Variants in C1orf105 observed in about 807,000 individuals in gnomAD.
The protein encoded by C1orf105 is uncharacterized protein C1orf105.
Under a neutral mutation model 20.8 loss-of-function variants are expected in C1orf105, and 17 were observed. The observed-to-expected ratio is 0.82, with a 90% CI of 0.56 to 1.23. The LOEUF (loss-of-function observed/expected upper bound fraction) is 1.23. C1orf105 is among the 50% of genes most tolerant of loss of function. C1orf105 has a pLI of 0.00. For synonymous variants in C1orf105, 72 were observed against 72.1 expected, an observed-to-expected ratio of 1.00 and a Z score of 0.01; for missense variants, 219 against 213.5, an observed-to-expected ratio of 1.03 and a Z score of -0.16.
At chr1:172,446,270 A>G (rs986492348) in intron 2 of C1orf105, among the ~76,000 whole-genome samples, 3 of 152,256 alleles carry the variant, frequency 2.0e-5, no homozygotes, top group Non-Finnish European at 4.4e-5. Context: ...ACTAAGTGAT[A>G]GAGTGCTTAT....
intron 2 of C1orf105, among the ~76,000 whole-genome samples, chr1:172,448,217 A>C (rs1362205068): frequency 6.6e-6 from 1 of 152,196 alleles, no homozygotes; most frequent in Admixed American, 6.5e-5. Flanking sequence ...ACAGTGTCTG[A>C]CAATCCAAAA....
At chr1:172,426,170 C>A (rs1415001974) in intron 1 of C1orf105, among the ~76,000 whole-genome samples, 1 of 152,182 alleles carries the variant, frequency 6.6e-6, no homozygotes, top group Non-Finnish European at 1.5e-5. Context: ...CTTACTCTAA[C>A]AAACCAGAGT....
intron 1 of C1orf105, among the ~76,000 whole-genome samples, chr1:172,433,690 A>G (rs2071943094): frequency 6.6e-6 from 1 of 152,248 alleles, no homozygotes; most frequent in Non-Finnish European, 1.5e-5. Context: ...AAGAAACTGC[A>G]TCAATTAACG....
intron 2 of C1orf105, among the ~76,000 whole-genome samples, chr1:172,446,970 T>C (rs1198753802): frequency 6.6e-6 from 1 of 152,128 alleles, no homozygotes; most frequent in Non-Finnish European, 1.5e-5. Flanking sequence ...AAAAATGTAA[T>C]ATACCTACCT....
intron 1 of C1orf105, among the ~76,000 whole-genome samples, chr1:172,436,061 C>T (rs1330762624): frequency 1.3e-5 from 2 of 152,148 alleles, no homozygotes; most frequent in Admixed American, 6.5e-5. Context: ...TCAAGAAGAA[C>T]TACAAATCAC....
intron 3 of C1orf105, among the ~76,000 whole-genome samples, chr1:172,453,985 C>G (rs559559188): frequency 6.6e-6 from 1 of 152,280 alleles, no homozygotes; most frequent in East Asian, 1.9e-4. Flanking sequence ...TTACAGTTGT[C>G]ATTAACCTAG....
At chr1:172,447,108 T>A (rs1573866122) in intron 2 of C1orf105, among the ~76,000 whole-genome samples, 1 of 152,196 alleles carries the variant, frequency 6.6e-6, no homozygotes, top group Admixed American at 6.5e-5. Flanking sequence ...AAGCTCCTCA[T>A]GTGGGCCAAA....
intron 4 of C1orf105, among the ~76,000 whole-genome samples, chr1:172,461,873 T>A (rs1203410728): frequency 1.3e-5 from 2 of 152,100 alleles, no homozygotes; most frequent in Non-Finnish European, 2.9e-5. Context: ...GAGTCAGCAG[T>A]CTCTGTGATA....
intron 5 of C1orf105, 49 bp downstream of exon 5, chr1:172,462,294 G>A (rs1649756524): frequency 7.5e-7 from 1 of 1,339,758 alleles, no homozygotes; most frequent in Admixed American, 2.1e-5. Flanking sequence ...TGTTATGTCT[G>A]AGGACACAGG....
Position 172,465,305 on chromosome 1 carries a change from T to C in C1orf105, c.348T>C (p.Ser116=), listed in dbSNP as rs1649964180. The change falls in exon 6 of 7, where the codon AGT becomes AGC. Residue 116 remains serine, a synonymous_variant. Coordinates refer to ENST00000367727, the MANE Select transcript of C1orf105 (RefSeq NM_139240.4). ...SFENCMSYRM[S]LHQPKFQTTP... ...TCTTGTTTCTTCCAATCAGAATGAGTCTTCATCAACCCAAATTCCAGACTA... is the reference window on the plus strand; with the variant it reads ...TCTTGTTTCTTCCAATCAGAATGAGCCTTCATCAACCCAAATTCCAGACTA... 6.2e-7 allele frequency: 1 copy of C among 1,611,704 alleles called. No individual in the cohort carries two copies.
Position 172,465,430 on chromosome 1 carries a change from C to T in C1orf105, c.406+67C>T. ...GAAAAAAATGCCATAGAATGACAGT[C>T]TAATCCCTAAAATAATTTCTAAATT... On this transcript the variant is annotated intron_variant, in intron 6 of 6. Coordinates refer to ENST00000367727, the MANE Select transcript of C1orf105 (RefSeq NM_139240.4). The T allele has an allele frequency of 7.3e-6, 8 of 1,097,772 alleles. No homozygotes were observed. In the South Asian group the frequency reaches 8.8e-5, roughly 12 times the overall value. The allele number at this position is 1,097,772 out of a possible 1,614,324, so 68.0% of individuals were successfully genotyped here.
chr1:172,424,504 C>A (rs1038505489), intron 1 of C1orf105, among the ~76,000 whole-genome samples: 25 of 152,292 alleles, frequency 1.6e-4, no homozygotes, highest in African/African-American at 6.0e-4. Context: ...GATTCTCATG[C>A]CTCAGCCTCC....
intron 4 of C1orf105, among the ~76,000 whole-genome samples, chr1:172,461,194 A>G (rs1190476552): frequency 6.6e-6 from 1 of 152,134 alleles, no homozygotes; most frequent in Non-Finnish European, 1.5e-5. Flanking sequence ...TCCCTCTCCC[A>G]TCCTTTCTTC....
Position 172,437,767 on chromosome 1 carries a change from G to A in C1orf105, c.22-7306G>A, listed in dbSNP as rs9425613. On this transcript the variant is annotated intron_variant, in intron 1 of 6. Coordinates refer to ENST00000367727, the MANE Select transcript of C1orf105 (RefSeq NM_139240.4). ...TAATAATAATAATAATAAACAAAAC[G>A]ATTTATTTCTACTAGAAAAAAAAAT... is the stretch of plus-strand genomic sequence containing the variant. Among the ~76,000 whole-genome samples, 584 of 142,872 alleles carry A rather than the reference G, an allele frequency of 4.1e-3. 4 individuals are homozygous for A. The highest frequency in any genetic ancestry group is 0.015 in the Middle Eastern group (4 of 268). The allele number at this position is 142,872 out of a possible 152,430, so 93.7% of individuals were successfully genotyped here.
chr1:172,441,631 G>A (rs1391209673), intron 1 of C1orf105: 2 of 1,105,650 alleles, frequency 1.8e-6, no homozygotes, highest in African/African-American at 3.1e-5. Flanking sequence ...TTACCACAAT[G>A]ACATGCTGCT....
intron 3 of C1orf105, 144 bp downstream of exon 3, chr1:172,448,675 G>C: frequency 1.7e-6 from 1 of 581,072 alleles, no homozygotes; most frequent in Non-Finnish European, 3.1e-6. Flanking sequence ...GAAATGAATG[G>C]CCCCACCCCC....
chr1:172,428,776 T>A (rs533906171), intron 1 of C1orf105: 6 of 697,794 alleles, frequency 8.6e-6, no homozygotes, highest in Non-Finnish European at 1.3e-5. Flanking sequence ...CAAGAACCTT[T>A]GTCCTTTTTA....
At chr1:172,465,446 T>C (rs1649978258) in intron 6 of C1orf105, 83 bp downstream of exon 6, 3 of 1,019,444 alleles carry the variant, frequency 2.9e-6, no homozygotes, top group Non-Finnish European at 3.1e-6. Context: ...CCTAAAATAA[T>C]TTCTAAATTT....
chr1:172,424,396 T>TA (rs2071670971), intron 1 of C1orf105, among the ~76,000 whole-genome samples: 1 of 152,228 alleles, frequency 6.6e-6, no homozygotes, highest in Admixed American at 6.5e-5. Context: ...TTCTCTTTTT[T>TA]ATTTTGTTTT....
Sources: allele counts gnomAD v4.1 joint callset (sites outside exome capture counted in the v4.1 genomes callset), GRCh38; gene constraint gnomAD v4.1.1; transcripts MANE v1.5; gene names NCBI Gene and HGNC (gene_info 2026-07-23, HGNC 2026-07-21).